Variants in N4BP2L2 observed in about 807,000 individuals in gnomAD.
The protein encoded by N4BP2L2 is NEDD4 binding protein 2 like 2.
In N4BP2L2, 50 loss-of-function variants were observed where a neutral mutation model predicts 56.2. The ratio of observed to expected loss-of-function variants is 0.89; its 90% CI spans 0.71 to 1.13. The LOEUF is 1.13. Ranked by LOEUF, N4BP2L2 falls within the 50% of genes most tolerant of loss-of-function variation. The pLI, the probability that N4BP2L2 is intolerant of heterozygous loss-of-function variation, is 0.00. For synonymous variants in N4BP2L2, 203 were observed against 223.6 expected (o/e 0.91, Z 0.82); for missense variants, 689 against 693.8 (o/e 0.99, Z 0.08).
intron 6 of N4BP2L2, among the ~76,000 whole-genome samples, chr13:32,500,047 T>C (rs375844256): frequency 3.9e-5 from 6 of 152,316 alleles, no homozygotes; most frequent in African/African-American, 1.2e-4. Context: ...TAACCTTTGG[T>C]GTTTTCTGAG....
Position 32,444,045 on chromosome 13 carries a change from GT to G in N4BP2L2, c.446del (p.Asn149ThrfsTer12). The G allele has an allele frequency of 6.3e-7, 1 of 1,596,692 alleles. No homozygotes were observed. The highest frequency in any genetic ancestry group is 8.5e-7 in the Non-Finnish European group (1 of 1,170,960). ...TTTCCTCCATGATTCTATTCTGACT[GT>G]TCTGCTTTTTGTTTCTTTTTCTGTT... is the stretch of plus-strand genomic sequence containing the variant. On this transcript the variant is annotated frameshift_variant, in exon 7 of 10. Coordinates refer to the N4BP2L2 transcript ENST00000357505. LOFTEE classifies it high-confidence loss of function.
At chr13:32,464,555 T>C (rs1265196585) in intron 6 of N4BP2L2, among the ~76,000 whole-genome samples, 2 of 152,210 alleles carry the variant, frequency 1.3e-5, no homozygotes, top group Non-Finnish European at 2.9e-5. Context: ...TTCACTCTTC[T>C]AGCACTAGGA....
intron 6 of N4BP2L2, among the ~76,000 whole-genome samples, chr13:32,481,359 T>C (rs1044726563): frequency 2.6e-5 from 4 of 152,164 alleles, no homozygotes; most frequent in East Asian, 3.8e-4. Flanking sequence ...TAAACTCTTC[T>C]GTGGACTAGT....
downstream of N4BP2L2, among the ~76,000 whole-genome samples, chr13:32,509,718 T>A (rs557587058): frequency 6.6e-4 from 101 of 152,318 alleles, no homozygotes; most frequent in African/African-American, 2.3e-3. Flanking sequence ...ATAATCTCAA[T>A]ACCCTTATGT....
At chr13:32,467,425 T>C (rs1178733062) in intron 6 of N4BP2L2, among the ~76,000 whole-genome samples, 2 of 151,872 alleles carry the variant, frequency 1.3e-5, no homozygotes, top group Non-Finnish European at 2.9e-5. Flanking sequence ...GCCCAGCTAA[T>C]TTTTGTATTT....
At chr13:32,450,867 C>G (rs1177792619) in intron 6 of N4BP2L2, among the ~76,000 whole-genome samples, 1 of 110,926 alleles carries the variant, frequency 9.0e-6, no homozygotes, top group Non-Finnish European at 1.8e-5. Flanking sequence ...CCACCCCATC[C>G]CCTTCTCTCT....
chr13:32,469,418 T>C (rs1369155193), intron 6 of N4BP2L2, among the ~76,000 whole-genome samples: 19 of 150,598 alleles, frequency 1.3e-4, no homozygotes, highest in Non-Finnish European at 7.4e-5. Context: ...GTCAGATGGG[T>C]GTTTATGACT....
rs1194904197 is a variant in N4BP2L2 at position 32,535,765 on chromosome 13, T to A, written c.1259+4A>T. 6.2e-7 allele frequency: 1 copy of A among 1,610,316 alleles called. No individual in the cohort carries two copies. Among genetic ancestry groups the A allele is most frequent in the Non-Finnish European group, 8.5e-7 (1 of 1,178,320 alleles). On this transcript the variant is annotated splice_donor_region_variant and intron_variant, in intron 2 of 5. Coordinates refer to ENST00000267068, the Ensembl canonical transcript of N4BP2L2. Reference sequence around the variant, plus strand: ...CAAGTATTCAGTTGGTATCCTTTACTTACCGAGACAATGTTGTTTTCCCAG... The same window carrying A: ...CAAGTATTCAGTTGGTATCCTTTACATACCGAGACAATGTTGTTTTCCCAG...
At chr13:32,500,006 A>C (rs931950499) in intron 6 of N4BP2L2, among the ~76,000 whole-genome samples, 1 of 152,168 alleles carries the variant, frequency 6.6e-6, no homozygotes, top group Non-Finnish European at 1.5e-5. Flanking sequence ...CCCTTGTCTA[A>C]TATTTGCTGA....
At chr13:32,466,746 A>C (rs993838357) in intron 6 of N4BP2L2, among the ~76,000 whole-genome samples, 18 of 151,194 alleles carry the variant, frequency 1.2e-4, no homozygotes, top group Non-Finnish European at 1.9e-4. Context: ...GGGTCTTCTT[A>C]GTTATATATA....
intron 8 of N4BP2L2, among the ~76,000 whole-genome samples, chr13:32,437,074 G>T (rs1009568081): frequency 6.6e-6 from 1 of 151,792 alleles, no homozygotes; most frequent in Non-Finnish European, 1.5e-5. Context: ...GTAGAGACAG[G>T]GTTTCACTAT....
intron 3 of N4BP2L2, among the ~76,000 whole-genome samples, chr13:32,526,242 T>C (rs1473231532): frequency 6.6e-6 from 1 of 152,160 alleles, no homozygotes; most frequent in African/African-American, 2.4e-5. Flanking sequence ...ATGCTATGGA[T>C]TAACTTAATT....
At chr13:32,477,789 G>T in intron 6 of N4BP2L2, 1 of 1,076,252 alleles carries the variant, frequency 9.3e-7, no homozygotes, top group Admixed American at 2.4e-5. Context: ...ACCAGGTCTT[G>T]TTAAGAGGTA....
At chr13:32,498,771 G>A (rs1397533441) in intron 6 of N4BP2L2, among the ~76,000 whole-genome samples, 1 of 151,354 alleles carries the variant, frequency 6.6e-6, no homozygotes, top group Non-Finnish European at 1.5e-5. Context: ...GGGAGGCTAA[G>A]GCAGGTGGAT....
chr13:32,520,150 G>GT (rs972729210), intron 5 of N4BP2L2, among the ~76,000 whole-genome samples: 3 of 152,072 alleles, frequency 2.0e-5, no homozygotes, highest in Non-Finnish European at 2.9e-5. Context: ...CATACACAGA[G>GT]TAACAGCTTG....
At chr13:32,463,802 G>T (rs936089490) in intron 6 of N4BP2L2, among the ~76,000 whole-genome samples, 1 of 149,414 alleles carries the variant, frequency 6.7e-6, no homozygotes, top group Non-Finnish European at 1.5e-5. Context: ...TGTGAACCAT[G>T]AACTGTATAT....
intron 5 of N4BP2L2, 31 bp from the exon 6 acceptor site, chr13:32,518,034 T>C: frequency 6.2e-7 from 1 of 1,602,678 alleles, no homozygotes; most frequent in Non-Finnish European, 8.5e-7. Context: ...TGTAAATCTT[T>C]GTTGCAGAAT....
chr13:32,536,289 G>T (rs772829111), exon 2 of N4BP2L2: 100 of 1,613,416 alleles, frequency 6.2e-5, no homozygotes, highest in Non-Finnish European at 8.3e-5. Context: ...CCATTACAGG[G>T]ATATTTGTCT....
chr13:32,480,647 G>T (rs1266790216), intron 6 of N4BP2L2: 1 of 1,285,358 alleles, frequency 7.8e-7, no homozygotes, highest in South Asian at 1.2e-5. Context: ...CCTGAAAATG[G>T]AAATAACATT....
Sources: gnomAD v4.1 joint callset for allele counts (sites outside exome capture counted in the v4.1 genomes callset) on GRCh38, gnomAD v4.1.1 for gene constraint, MANE v1.5 for transcripts, NCBI Gene and HGNC (gene_info 2026-07-23, HGNC 2026-07-21) for gene names.